NFIA: variants seen among roughly 807,000 people sequenced by gnomAD.
NFIA encodes nuclear factor 1 A-type.
NFIA carries 8 observed loss-of-function variants against 62.8 expected under a neutral mutation model. That is an observed-to-expected ratio of 0.13 (90% confidence interval 0.07 to 0.23). The LOEUF (loss-of-function observed/expected upper bound fraction) is 0.23. Among genes scored for constraint, NFIA ranks in the 10% least tolerant of loss-of-function variants. The pLI, the probability that NFIA is intolerant of heterozygous loss-of-function variation, is 1.00. For missense variants in NFIA, 410 were observed against 642.1 expected, an observed-to-expected ratio of 0.64 and a Z score of 3.91; for synonymous variants, 235 against 238.1, an observed-to-expected ratio of 0.99 and a Z score of 0.12.
intron 2 of NFIA, among the ~76,000 whole-genome samples, chr1:61,120,202 ATTAAC>A (rs1445817632): frequency 2.6e-5 from 4 of 152,218 alleles, no homozygotes; most frequent in Non-Finnish European, 4.4e-5. Flanking sequence ...ACAAGATTGA[ATTAAC>A]TTAATTGTAG....
chr1:61,291,621 T>C (rs1658887524), intron 3 of NFIA, among the ~76,000 whole-genome samples: 1 of 152,212 alleles, frequency 6.6e-6, no homozygotes, highest in South Asian at 2.1e-4. Flanking sequence ...CAATAGCAAG[T>C]GAGTGCCTGC....
intron 6 of NFIA, among the ~76,000 whole-genome samples, chr1:61,363,564 A>G (rs1306165580): frequency 1.3e-5 from 2 of 151,208 alleles, no homozygotes; most frequent in Non-Finnish European, 2.9e-5. Flanking sequence ...AGATCGTGCC[A>G]TTGCACTCCA....
intron 2 of NFIA, among the ~76,000 whole-genome samples, chr1:61,210,425 A>C (rs962307352): frequency 1.3e-5 from 2 of 152,246 alleles, no homozygotes; most frequent in African/African-American, 2.4e-5. Flanking sequence ...CATTTCTCCT[A>C]AGGGCTTAAA....
At chr1:61,288,309 G>T (rs899013478) in intron 3 of NFIA, among the ~76,000 whole-genome samples, 1 of 152,218 alleles carries the variant, frequency 6.6e-6, no homozygotes, top group East Asian at 1.9e-4. Context: ...GAAAATAGAA[G>T]GGGCCATATT....
intron 5 of NFIA, among the ~76,000 whole-genome samples, chr1:61,353,935 A>G (rs934129546): frequency 1.3e-5 from 2 of 152,186 alleles, no homozygotes; most frequent in African/African-American, 4.8e-5. Flanking sequence ...TGCTGATGGG[A>G]GAGACCTTGT....
chr1:61,239,299 A>C (rs1386254668), intron 2 of NFIA, among the ~76,000 whole-genome samples: 1 of 152,190 alleles, frequency 6.6e-6, no homozygotes, highest in Non-Finnish European at 1.5e-5. Flanking sequence ...TTTCTTTGAA[A>C]CTAAATGATT....
At chr1:61,432,030 A>G (rs746634348) in intron 10 of NFIA, among the ~76,000 whole-genome samples, 1 of 152,198 alleles carries the variant, frequency 6.6e-6, no homozygotes, top group Admixed American at 6.5e-5. Flanking sequence ...AATAATGGTA[A>G]TGACAACACC....
At chr1:61,199,661 A>C (rs1170892575) in intron 2 of NFIA, among the ~76,000 whole-genome samples, 1 of 151,908 alleles carries the variant, frequency 6.6e-6, no homozygotes, top group Admixed American at 6.6e-5. Flanking sequence ...CCAAGTGTGT[A>C]TACTTTTCCA....
At chr1:61,403,741 CAT>C (rs997283766) in intron 7 of NFIA, among the ~76,000 whole-genome samples, 15 of 152,220 alleles carry the variant, frequency 9.9e-5, no homozygotes, top group African/African-American at 3.6e-4. Flanking sequence ...TAGAATTTGT[CAT>C]ATGTAATGTC....
intron 3 of NFIA, among the ~76,000 whole-genome samples, chr1:61,282,153 G>T (rs1452027230): frequency 6.6e-6 from 1 of 152,112 alleles, no homozygotes; most frequent in East Asian, 1.9e-4. Context: ...ACATCAAGTT[G>T]TCCCTCTCCC....
chr1:61,241,740 C>T (rs955728249), intron 2 of NFIA, among the ~76,000 whole-genome samples: 1 of 152,012 alleles, frequency 6.6e-6, no homozygotes, highest in Non-Finnish European at 1.5e-5. Flanking sequence ...CTCCTTGGCA[C>T]GAGTGGCTGT....
At chr1:61,290,748 G>T (rs1374318678) in intron 3 of NFIA, among the ~76,000 whole-genome samples, 2 of 152,200 alleles carry the variant, frequency 1.3e-5, no homozygotes, top group African/African-American at 4.8e-5. Context: ...TGAAAGGCAT[G>T]CAAGTAAACC....
chr1:61,438,360 C>T (rs1476146721), intron 10 of NFIA, among the ~76,000 whole-genome samples: 1 of 152,150 alleles, frequency 6.6e-6, no homozygotes, highest in Admixed American at 6.5e-5. Flanking sequence ...AGGAGGGAAC[C>T]TCTGTGAGCA....
Position 61,240,588 on chromosome 1 carries a change from G to T in NFIA, c.560-36932G>T, listed in dbSNP as rs913964040. Among the ~76,000 whole-genome samples, 3 of 151,986 alleles carry T rather than the reference G, an allele frequency of 2.0e-5. No individual in the cohort carries two copies. The East Asian group carries it at 5.8e-4, about 29-fold the overall frequency. On this transcript the variant is annotated intron_variant, in intron 2 of 10. Coordinates refer to ENST00000403491, the MANE Select transcript of NFIA (RefSeq NM_001134673.4). ...TATTAAATATTGATAATATTGAAGA[G>T]AAGATACTGAAGTATACATGAAAGT...
chr1:61,123,705 T>TG (rs56114724), intron 2 of NFIA, among the ~76,000 whole-genome samples: 143,252 of 152,218 alleles, frequency 0.94, 67,506 homozygotes, highest in Middle Eastern at 0.97. Context: ...GAAGGCTACA[T>TG]GGTTTGGCTT....
intron 7 of NFIA, among the ~76,000 whole-genome samples, chr1:61,402,848 C>T (rs572655910): frequency 2.8e-4 from 43 of 152,294 alleles, no homozygotes; most frequent in Middle Eastern, 3.4e-3. Flanking sequence ...ACTCTGAACC[C>T]CATAGCATGA....
At chr1:61,110,046 A>G (rs984356928) in intron 2 of NFIA, among the ~76,000 whole-genome samples, 1 of 151,976 alleles carries the variant, frequency 6.6e-6, no homozygotes, top group African/African-American at 2.4e-5. Flanking sequence ...AGAGAGAGTG[A>G]AAGAGAGAGA....
At chr1:61,407,533 C>G (rs932284692) in intron 9 of NFIA, among the ~76,000 whole-genome samples, 2 of 152,084 alleles carry the variant, frequency 1.3e-5, no homozygotes. Flanking sequence ...TTATTAGTGC[C>G]TGGAATAATG....
At chr1:61,453,777 GT>G (rs1668179689) in intron 10 of NFIA, among the ~76,000 whole-genome samples, 1 of 152,124 alleles carries the variant, frequency 6.6e-6, no homozygotes, top group South Asian at 2.1e-4. Context: ...TAGAAACACA[GT>G]TTGGGGTTTG....
Sources: gnomAD v4.1 joint callset for allele counts (sites outside exome capture counted in the v4.1 genomes callset) on GRCh38, gnomAD v4.1.1 for gene constraint, MANE v1.5 for transcripts, NCBI Gene and HGNC (gene_info 2026-07-23, HGNC 2026-07-21) for gene names.